Variants in PCDH11Y observed in about 807,000 individuals in gnomAD.
PCDH11Y encodes protocadherin 11 Y-linked.
For missense variants in PCDH11Y, 12 were observed against 224.8 expected (o/e 0.05, Z 6.05); for synonymous variants, 9 against 83.6 (o/e 0.11, Z 4.87).
intron 2 of PCDH11Y, among the ~76,000 whole-genome samples, chrY:5,196,168 G>C: frequency 3.0e-5 from 1 of 33,584 alleles, no homozygotes; most frequent in Non-Finnish European, 7.3e-5. Context: ...TAATGCATTA[G>C]TCTCTTAAGT....
intron 4 of PCDH11Y, among the ~76,000 whole-genome samples, chrY:5,618,835 C>CAA (rs1347870794): frequency 7.4e-4 from 2 of 2,687 alleles, no homozygotes; most frequent in African/African-American, 2.7e-3. Context: ...CCTGTCTCTA[C>CAA]AAAAAAAAAA....
chrY:5,676,703 AT>A (rs2053553928), intron 4 of PCDH11Y, among the ~76,000 whole-genome samples: 36 of 32,300 alleles, frequency 1.1e-3, no homozygotes, highest in African/African-American at 3.9e-3. Flanking sequence ...TACCCAAGAA[AT>A]TTTTTTTCTC....
intron 1 of PCDH11Y, among the ~76,000 whole-genome samples, chrY:5,027,162 G>A: frequency 3.2e-5 from 1 of 30,952 alleles, no homozygotes; most frequent in Non-Finnish European, 7.7e-5. Flanking sequence ...TCCAGCTACA[G>A]GGGAAACTGA....
chrY:5,418,838 C>G, intron 2 of PCDH11Y, among the ~76,000 whole-genome samples: 1 of 33,112 alleles, frequency 3.0e-5, no homozygotes, highest in East Asian at 8.0e-4. Flanking sequence ...AAGAAAAACA[C>G]TAGTCTTAGG....
chrY:5,062,345 A>G (rs1602854379), intron 1 of PCDH11Y, among the ~76,000 whole-genome samples: 1 of 32,196 alleles, frequency 3.1e-5, no homozygotes, highest in East Asian at 8.1e-4. Context: ...CAAATATAAA[A>G]TGAAGTTTCA....
rs879036122 is a variant in PCDH11Y, at chrY:5,574,108, C to T, written c.3329-7667C>T. 2.3e-5 allele frequency: 5 copies of T among 215,482 alleles called. No individual in the cohort carries two copies. In the Admixed American group the frequency reaches 3.4e-4, roughly 15 times the overall value. The allele number at this position is 215,482 out of a possible 400,897, so 53.7% of individuals were successfully genotyped here. A position where few individuals can be genotyped will look rare whatever the true frequency, so the allele number is the denominator to read the frequency against. ...CTGAAGGCCAGCTTGGAGAACAACC[C>T]GAGGGAGGTGGAGGCCCGCTACTCC... On this transcript the variant is annotated intron_variant, in intron 3 of 4. Transcript: ENST00000400457.
intron 2 of PCDH11Y, among the ~76,000 whole-genome samples, chrY:5,322,039 C>CA (rs370620159): frequency 5.1e-3 from 163 of 31,958 alleles, no homozygotes; most frequent in African/African-American, 0.018. Flanking sequence ...ACCATTCCCC[C>CA]ACACAAATAT....
intron 3 of PCDH11Y, among the ~76,000 whole-genome samples, chrY:5,542,165 A>AT (rs2053408014): frequency 3.1e-5 from 1 of 32,428 alleles, no homozygotes; most frequent in Non-Finnish European, 7.6e-5. Flanking sequence ...TTGGACCTGC[A>AT]TTTTTTTGTG....
chrY:5,385,239 C>G, intron 2 of PCDH11Y, among the ~76,000 whole-genome samples: 1 of 24,830 alleles, frequency 4.0e-5, no homozygotes, highest in Non-Finnish European at 9.0e-5. Flanking sequence ...TTTTTGTGCA[C>G]GAATCTCCCA....
chrY:5,725,696 A>T, intron 4 of PCDH11Y, among the ~76,000 whole-genome samples: 1 of 32,508 alleles, frequency 3.1e-5, no homozygotes, highest in Non-Finnish European at 7.5e-5. Flanking sequence ...AAAATACATT[A>T]TACCTCATCA....
chrY:5,508,067 A>G, intron 3 of PCDH11Y, among the ~76,000 whole-genome samples: 1 of 33,326 alleles, frequency 3.0e-5, no homozygotes, highest in South Asian at 6.6e-4. Context: ...AATATTTAGT[A>G]GTGTTAGCCA....
intron 4 of PCDH11Y, among the ~76,000 whole-genome samples, chrY:5,638,854 C>G (rs2124704847): frequency 3.4e-5 from 1 of 29,246 alleles, no homozygotes; most frequent in African/African-American, 1.3e-4. Context: ...AAAAGTGTAC[C>G]CTTTATTATT....
chrY:5,100,275 G>GAAGAAA (rs2052773400), exon 2 of PCDH11Y: 1 of 393,904 alleles, frequency 2.5e-6, no homozygotes, highest in African/African-American at 6.8e-5. Context: ...TGATAATGAT[G>GAAGAAA]AAGAAAAAGA....
chrY:5,613,251 A>T, intron 4 of PCDH11Y, among the ~76,000 whole-genome samples: 8 of 29,850 alleles, frequency 2.7e-4, no homozygotes, highest in Admixed American at 9.5e-4. Context: ...TATGTGATGT[A>T]ATGCAAAGGA....
chrY:5,456,357 G>A, intron 2 of PCDH11Y, among the ~76,000 whole-genome samples: 1 of 33,048 alleles, frequency 3.0e-5, no homozygotes, highest in Admixed American at 2.8e-4. Flanking sequence ...CACAACTAGG[G>A]GGAATGTAAG....
At chrY:5,551,811 A>G (rs2053418888) in intron 3 of PCDH11Y, among the ~76,000 whole-genome samples, 21 of 33,173 alleles carry the variant, frequency 6.3e-4, no homozygotes, top group Non-Finnish European at 5.2e-4. Flanking sequence ...ACAGAGAAGG[A>G]GTTGAACCAG....
chrY:5,252,221 A>T, intron 2 of PCDH11Y, among the ~76,000 whole-genome samples: 1 of 23,430 alleles, frequency 4.3e-5, no homozygotes, highest in Non-Finnish European at 9.8e-5. Context: ...ATAAAAAAGC[A>T]TTATAAAATA....
chrY:5,694,748 T>C, intron 4 of PCDH11Y, among the ~76,000 whole-genome samples: 1 of 32,340 alleles, frequency 3.1e-5, no homozygotes, highest in East Asian at 7.8e-4. Context: ...AGCTTATTAT[T>C]CAAAAACTGT....
At chrY:5,270,871 AT>A (rs2053035126) in intron 2 of PCDH11Y, among the ~76,000 whole-genome samples, 1 of 33,315 alleles carries the variant, frequency 3.0e-5, no homozygotes. Context: ...TCTACTGGTG[AT>A]TTTTAAGCAT....
Sources: gnomAD v4.1 joint callset for allele counts (sites outside exome capture counted in the v4.1 genomes callset) on GRCh38, gnomAD v4.1.1 for gene constraint, MANE v1.5 for transcripts, NCBI Gene and HGNC (gene_info 2026-07-23, HGNC 2026-07-21) for gene names.